GABBR2: variants seen among roughly 807,000 people sequenced by gnomAD.
The protein encoded by GABBR2 is gamma-aminobutyric acid type B receptor subunit 2, also known as G-protein coupled receptor 51.
Under a neutral mutation model 105.6 loss-of-function variants are expected in GABBR2, and 23 were observed. The ratio of observed to expected loss-of-function variants is 0.22; its 90% CI spans 0.16 to 0.31. GABBR2 has a LOEUF of 0.31. Among genes scored for constraint, GABBR2 ranks in the 10% least tolerant of loss-of-function variants. The pLI is 1.00. For synonymous variants in GABBR2, 478 were observed against 499.7 expected (o/e 0.96, Z 0.58); for missense variants, 734 against 1,245.5 (o/e 0.59, Z 6.18).
intron 1 of GABBR2, among the ~76,000 whole-genome samples, chr9:98,661,075 C>A (rs1830253930): frequency 6.6e-6 from 1 of 152,072 alleles, no homozygotes; most frequent in South Asian, 2.1e-4. Flanking sequence ...CCAGATAATT[C>A]TTTTTGTGTT....
chr9:98,377,494 G>A (rs1831897000), intron 11 of GABBR2, among the ~76,000 whole-genome samples: 1 of 152,226 alleles, frequency 6.6e-6, no homozygotes, highest in South Asian at 2.1e-4. Flanking sequence ...CCCTAGGCCT[G>A]TCTCTGCCAG....
intron 1 of GABBR2, among the ~76,000 whole-genome samples, chr9:98,678,546 T>C (rs1830503280): frequency 6.6e-6 from 1 of 152,214 alleles, no homozygotes; most frequent in Admixed American, 6.5e-5. Context: ...GCAATTTAAA[T>C]GTCTATGGCA....
chr9:98,303,361 C>T lies in GABBR2; in HGVS notation c.2292G>A (p.Gln764=). ...ATQNRRFQFT[Q]NQKKEDSKTS... is the part of the protein sequence containing the mutation. Reference sequence around the variant, plus strand: ...TTTTAGAATCTTCTTTCTTCTGATTCTGAGTGAACTGGAATCGCCTGTTCT... The same window carrying T: ...TTTTAGAATCTTCTTTCTTCTGATTTTGAGTGAACTGGAATCGCCTGTTCT... The change falls in exon 16 of 19, where the codon CAG becomes CAA. Residue 764 remains glutamine (Q), a synonymous_variant. Transcript: ENST00000259455. 6.2e-7 allele frequency: 1 copy of T among 1,614,192 alleles called. No individual in the cohort carries two copies. The highest frequency in any genetic ancestry group is 1.1e-5 in the South Asian group (1 of 91,092).
intron 12 of GABBR2, among the ~76,000 whole-genome samples, chr9:98,366,321 G>A (rs571210653): frequency 1.4e-4 from 22 of 152,280 alleles, no homozygotes; most frequent in Middle Eastern, 6.8e-3. Flanking sequence ...TAATGGGAAC[G>A]TAGCCTTGCT....
intron 3 of GABBR2, among the ~76,000 whole-genome samples, chr9:98,499,737 A>G (rs1827363661): frequency 2.0e-5 from 3 of 152,340 alleles, no homozygotes; most frequent in Middle Eastern, 3.4e-3. Context: ...TTCCTTCTGG[A>G]ACTGCAGTTA....
chr9:98,410,658 C>T (rs953459898), intron 7 of GABBR2, among the ~76,000 whole-genome samples: 2 of 151,844 alleles, frequency 1.3e-5, no homozygotes, highest in African/African-American at 4.8e-5. Context: ...GAGATAGGGC[C>T]CCAAAAGTAG....
intron 2 of GABBR2, among the ~76,000 whole-genome samples, chr9:98,550,537 C>A (rs113366574): frequency 6.6e-6 from 1 of 152,166 alleles, no homozygotes; most frequent in Non-Finnish European, 1.5e-5. Flanking sequence ...ACCACCACAG[C>A]CCCTCAGAAA....
chr9:98,589,527 C>G (rs569179518), intron 1 of GABBR2, among the ~76,000 whole-genome samples: 2 of 152,032 alleles, frequency 1.3e-5, no homozygotes, highest in Non-Finnish European at 2.9e-5. Context: ...AATCAGCACA[C>G]CTGGGGAACT....
At chr9:98,692,994 G>A (rs1830703025) in intron 1 of GABBR2, among the ~76,000 whole-genome samples, 2 of 152,160 alleles carry the variant, frequency 1.3e-5, no homozygotes, top group South Asian at 2.1e-4. Context: ...AGGGCAGTCT[G>A]GGCTTTCTCT....
intron 1 of GABBR2, among the ~76,000 whole-genome samples, chr9:98,669,424 T>C (rs1190605983): frequency 6.6e-6 from 1 of 152,208 alleles, no homozygotes; most frequent in Non-Finnish European, 1.5e-5. Context: ...TTAAACTTTT[T>C]AAATGTAACC....
chr9:98,621,540 C>T (rs1005805643), intron 1 of GABBR2, among the ~76,000 whole-genome samples: 4 of 152,178 alleles, frequency 2.6e-5, no homozygotes, highest in Admixed American at 6.5e-5. Flanking sequence ...TGAACTGCGA[C>T]GCATTCTGCA....
At chr9:98,357,575 G>A (rs1285585208) in intron 13 of GABBR2, among the ~76,000 whole-genome samples, 1 of 152,068 alleles carries the variant, frequency 6.6e-6, no homozygotes, top group African/African-American at 2.4e-5. Flanking sequence ...CTGAGCCAGG[G>A]GAGGTGCAGT....
chr9:98,704,554 A>G (rs1411725306), intron 1 of GABBR2, among the ~76,000 whole-genome samples: 3 of 152,228 alleles, frequency 2.0e-5, no homozygotes, highest in African/African-American at 7.2e-5. Context: ...AAAACCCATG[A>G]TACAATGTTA....
intron 3 of GABBR2, among the ~76,000 whole-genome samples, chr9:98,510,056 A>G (rs1827604119): frequency 1.3e-5 from 2 of 152,284 alleles, no homozygotes; most frequent in African/African-American, 4.8e-5. Context: ...AGTCCATCAG[A>G]CTAACAGCTG....
intron 2 of GABBR2, among the ~76,000 whole-genome samples, chr9:98,557,697 C>A (rs1339380077): frequency 6.6e-6 from 1 of 152,076 alleles, no homozygotes; most frequent in African/African-American, 2.4e-5. Context: ...CAAGTGAGTC[C>A]CAGATGACTA....
At chr9:98,666,648 C>T (rs892761211) in intron 1 of GABBR2, among the ~76,000 whole-genome samples, 24 of 152,158 alleles carry the variant, frequency 1.6e-4, no homozygotes, top group African/African-American at 5.3e-4. Context: ...GCTGGGATTA[C>T]GGGCATGAGC....
intron 7 of GABBR2, among the ~76,000 whole-genome samples, chr9:98,437,125 G>T (rs758511725): frequency 5.9e-5 from 9 of 152,174 alleles, no homozygotes; most frequent in Non-Finnish European, 1.2e-4. Context: ...ATCAGAAAAT[G>T]TGGCAAACAC....
chr9:98,339,284 CAAAAAAAAA>C (rs9299286), intron 13 of GABBR2, among the ~76,000 whole-genome samples: 1 of 133,664 alleles, frequency 7.5e-6, no homozygotes. Context: ...AATTATATCT[CAAAAAAAAA>C]AAAAAAAAAG....
chr9:98,636,917 G>A (rs945017827), intron 1 of GABBR2, among the ~76,000 whole-genome samples: 3 of 151,990 alleles, frequency 2.0e-5, no homozygotes, highest in Non-Finnish European at 2.9e-5. Flanking sequence ...GCAGAGTCCC[G>A]GGCCCTCCTT....
Sources: gnomAD v4.1 joint callset for allele counts (sites outside exome capture counted in the v4.1 genomes callset) on GRCh38, gnomAD v4.1.1 for gene constraint, MANE v1.5 for transcripts, NCBI Gene and HGNC (gene_info 2026-07-23, HGNC 2026-07-21) for gene names.